TRAPPC9: variants seen among roughly 807,000 people sequenced by gnomAD.
The protein encoded by TRAPPC9 is trafficking protein particle complex subunit 9, also known as IKK2 binding protein.
TRAPPC9 carries 83 observed loss-of-function variants against 124.0 expected under a neutral mutation model. That is an observed-to-expected ratio of 0.67 (90% CI 0.56 to 0.80). The LOEUF (loss-of-function observed/expected upper bound fraction) is 0.80. TRAPPC9 is among the 30% of genes least tolerant of loss of function. The probability of loss-of-function intolerance (pLI) is 0.00; values close to 1 mark genes in which losing one functional copy is unlikely to be tolerated. For synonymous variants in TRAPPC9, 638 were observed against 617.5 expected (o/e 1.03, Z -0.49); for missense variants, 1,302 against 1,508.3 (o/e 0.86, Z 2.27).
intron 19 of TRAPPC9, among the ~76,000 whole-genome samples, chr8:139,964,605 C>G (rs1835577132): frequency 1.3e-5 from 2 of 152,120 alleles, no homozygotes; most frequent in Non-Finnish European, 2.9e-5. Flanking sequence ...CTTAACCATT[C>G]CAAAGCTTAA....
At chr8:140,128,340 G>A (rs1367334731) in intron 17 of TRAPPC9, among the ~76,000 whole-genome samples, 2 of 152,218 alleles carry the variant, frequency 1.3e-5, no homozygotes, top group South Asian at 2.1e-4. Context: ...CAGCTCTGGC[G>A]TAAGCAAGCC....
chr8:140,374,550 A>G, intron 7 of TRAPPC9, among the ~76,000 whole-genome samples: 1 of 152,120 alleles, frequency 6.6e-6, no homozygotes, highest in East Asian at 1.9e-4. Context: ...AGCCTGGGCA[A>G]CAAGAGTGAA....
chr8:139,889,877 C>T lies in TRAPPC9; in HGVS notation c.2965-3908G>A, dbSNP rs376091137. Reference sequence around the variant, plus strand: ...AGGCAGCTTCCTCCAATCAAGCATGCAGCCGCCCTGTGTGTTCATTCATTT... The same window carrying T: ...AGGCAGCTTCCTCCAATCAAGCATGTAGCCGCCCTGTGTGTTCATTCATTT... On this transcript the variant is annotated intron_variant, in intron 20 of 22. Coordinates refer to ENST00000438773, the MANE Select transcript of TRAPPC9 (RefSeq NM_001160372.4). Among the ~76,000 whole-genome samples the T allele has an allele frequency of 2.0e-5, 3 of 152,212 alleles. No individual in the cohort carries two copies. In the East Asian group the frequency reaches 5.8e-4, roughly 29 times the overall value.
intron 21 of TRAPPC9, among the ~76,000 whole-genome samples, chr8:139,773,915 T>G (rs1255970436): frequency 6.6e-6 from 1 of 152,156 alleles, no homozygotes; most frequent in South Asian, 2.1e-4. Context: ...GCATGTTCAG[T>G]GGAGAAGTCA....
chr8:139,951,287 G>A (rs938487309), intron 19 of TRAPPC9, among the ~76,000 whole-genome samples: 7 of 152,234 alleles, frequency 4.6e-5, no homozygotes, highest in Non-Finnish European at 8.8e-5. Context: ...GTTAGCACAC[G>A]AGTCAGGCCA....
chr8:140,328,748 T>G (rs1045708492), intron 9 of TRAPPC9, among the ~76,000 whole-genome samples: 1 of 151,882 alleles, frequency 6.6e-6, no homozygotes, highest in Non-Finnish European at 1.5e-5. Flanking sequence ...TAAAAAAAGG[T>G]CCTGGAGCTT....
chr8:140,078,646 C>T (rs372130731), intron 17 of TRAPPC9, among the ~76,000 whole-genome samples: 2 of 152,218 alleles, frequency 1.3e-5, no homozygotes, highest in South Asian at 4.1e-4. Flanking sequence ...GAACTGCACC[C>T]ACTTTAAGAA....
intron 18 of TRAPPC9, among the ~76,000 whole-genome samples, chr8:139,991,942 C>G (rs1345431133): frequency 5.9e-5 from 9 of 152,116 alleles, no homozygotes; most frequent in Admixed American, 5.9e-4. Flanking sequence ...TCCTGAGGAA[C>G]TGAATGAGAA....
chr8:140,158,861 G>T (rs2061698582), intron 17 of TRAPPC9, among the ~76,000 whole-genome samples: 1 of 152,148 alleles, frequency 6.6e-6, no homozygotes, highest in African/African-American at 2.4e-5. Context: ...TTGGAAACAA[G>T]AACTTATTTG....
intron 16 of TRAPPC9, among the ~76,000 whole-genome samples, chr8:140,242,985 C>T (rs1306741705): frequency 2.6e-5 from 4 of 151,948 alleles, no homozygotes; most frequent in African/African-American, 9.7e-5. Context: ...AGAGAGAAAC[C>T]CATGGTTTAG....
chr8:139,975,249 G>T (rs1836367299), intron 19 of TRAPPC9, among the ~76,000 whole-genome samples: 1 of 152,234 alleles, frequency 6.6e-6, no homozygotes, highest in Non-Finnish European at 1.5e-5. Flanking sequence ...AGTGGCGACT[G>T]CTGGTCAGCC....
intron 9 of TRAPPC9, among the ~76,000 whole-genome samples, chr8:140,343,470 C>G (rs573507250): frequency 1.3e-5 from 2 of 152,356 alleles, no homozygotes; most frequent in East Asian, 3.9e-4. Flanking sequence ...TTGGGAAATA[C>G]TGCCACCCAC....
chr8:140,369,287 G>T (rs375834587), intron 8 of TRAPPC9, among the ~76,000 whole-genome samples: 39 of 152,292 alleles, frequency 2.6e-4, no homozygotes, highest in East Asian at 1.7e-3. Flanking sequence ...TTAGAAGCAG[G>T]CTCTGGAAGG....
chr8:139,912,893 C>T (rs769609675), intron 19 of TRAPPC9, among the ~76,000 whole-genome samples: 6 of 152,226 alleles, frequency 3.9e-5, no homozygotes, highest in Non-Finnish European at 7.3e-5. Flanking sequence ...CAAACTAGTG[C>T]TCTCTTCAAA....
intron 21 of TRAPPC9, among the ~76,000 whole-genome samples, chr8:139,851,541 T>C (rs1827462327): frequency 6.6e-6 from 1 of 152,028 alleles, no homozygotes; most frequent in Admixed American, 6.5e-5. Flanking sequence ...GGTCAAATCA[T>C]CCATCAGAGC....
intron 6 of TRAPPC9, among the ~76,000 whole-genome samples, chr8:140,404,884 ATGTGTGCACGTG>A (rs144864701): frequency 0.31 from 39,935 of 127,698 alleles, 6,123 homozygotes; most frequent in East Asian, 0.5. Context: ...GTGTAAGTGC[ATGTGTGCACGTG>A]TGTGTGAGCA....
At chr8:139,924,484 G>A (rs531267496) in intron 19 of TRAPPC9, among the ~76,000 whole-genome samples, 38 of 152,322 alleles carry the variant, frequency 2.5e-4, no homozygotes, top group African/African-American at 8.7e-4. Context: ...GCCTGCATAC[G>A]TGTACCACGG....
At chr8:139,988,672 G>T in intron 19 of TRAPPC9, 54 bp downstream of exon 19, 2 of 1,203,396 alleles carry the variant, frequency 1.7e-6, no homozygotes, top group South Asian at 1.3e-5. Flanking sequence ...CCCAAGCAGC[G>T]TGGTGAAGGC....
At position 140,157,011 on chromosome 8, in the gene TRAPPC9, C is replaced by CAAA. The variant is rs1172746248; in HGVS notation, c.2556+64447_2556+64448insTTT. ...CATTCAAAAGCCTCCCTTTTCCATT[C>CAAA]AGAAGCCTCCCTTTTCCATTCAAAA... On this transcript the variant is annotated intron_variant, in intron 17 of 22. Transcript: ENST00000438773. Among the ~76,000 whole-genome samples, 49 of 99,950 alleles carry CAAA rather than the reference C, an allele frequency of 4.9e-4. 4 individuals carry two copies. Among genetic ancestry groups the CAAA allele is most frequent in the East Asian group, 7.6e-4 (2 of 2,620 alleles). 65.6% of individuals were successfully genotyped at this position (99,950 alleles called of 152,430 possible).
Sources: gnomAD v4.1 joint callset for allele counts (sites outside exome capture counted in the v4.1 genomes callset) on GRCh38, gnomAD v4.1.1 for gene constraint, MANE v1.5 for transcripts, NCBI Gene and HGNC (gene_info 2026-07-23, HGNC 2026-07-21) for gene names.